ZNF804A: variants seen among roughly 807,000 people sequenced by gnomAD.
ZNF804A encodes the protein zinc finger protein 804A.
A neutral mutation model predicts 16.5 loss-of-function variants in ZNF804A; 2 were observed. The observed-to-expected ratio is 0.12, with a 90% CI of 0.05 to 0.38. The LOEUF (loss-of-function observed/expected upper bound fraction) is 0.38. Ranked by LOEUF, ZNF804A falls within the 10% of genes least tolerant of loss-of-function variation. ZNF804A has a pLI of 0.99. For missense variants in ZNF804A, 1,473 were observed against 1,390.7 expected (o/e 1.06, Z -0.94); for synonymous variants, 534 against 489.6 (o/e 1.09, Z -1.20).
chr2:184,856,326 A>G (rs1268316355), intron 1 of ZNF804A, among the ~76,000 whole-genome samples: 1 of 151,966 alleles, frequency 6.6e-6, no homozygotes, highest in African/African-American at 2.4e-5. Context: ...TCTTCCCTCA[A>G]CTGTTTCCAA....
At chr2:184,636,452 T>TGTGA (rs1232918891) in intron 1 of ZNF804A, among the ~76,000 whole-genome samples, 8 of 114,348 alleles carry the variant, frequency 7.0e-5, no homozygotes, top group East Asian at 2.7e-4. Flanking sequence ...TGTGTGTGTG[T>TGTGA]GAGAGAGAGA....
rs542644879 is a variant in ZNF804A at position 184,824,477 on chromosome 2, GA to G, written c.112-41882del. Among the ~76,000 whole-genome samples the G allele has an allele frequency of 7.0e-3, 1,015 of 145,034 alleles. 17 individuals carry two copies. Among genetic ancestry groups the G allele is most frequent in the African/African-American group, 0.023 (929 of 39,694 alleles). ...AAGCATATTCATGTCCTCGGTAAAA[GA>G]AAAAAAAAACAGAATGGACATTTTA... On this transcript the variant is annotated intron_variant, in intron 1 of 3. Transcript: ENST00000302277.
chr2:184,775,111 A>G (rs1293597438), intron 1 of ZNF804A, among the ~76,000 whole-genome samples: 4 of 151,784 alleles, frequency 2.6e-5, no homozygotes, highest in Non-Finnish European at 1.5e-5. Flanking sequence ...TGTAAGTAAT[A>G]ATGTAAATGT....
rs1272308549 is a variant in ZNF804A, at chr2:184,937,614, G to C, written c.2218G>C (p.Val740Leu). ...CTGTAGTCAGGATCACAGAAGCTTA[G>C]TTCTTCAAAATGATATGAAACACAT... ...SSCSQDHRSL[V>L]LQNDMKHMSQ... is the part of the protein sequence containing the mutation. Residue 740 changes from valine (V) to leucine (L), a missense_variant, in exon 4 of 4, where the codon GTT becomes CTT. By Grantham distance (32) the Val-to-Leu change is conservative. Transcript: ENST00000302277. The C allele has an allele frequency of 1.9e-6, 3 of 1,613,716 alleles. No homozygotes were observed. The highest frequency in any genetic ancestry group is 1.3e-5 in the African/African-American group (1 of 75,042).
chr2:184,736,322 T>C (rs1693612499), intron 1 of ZNF804A, among the ~76,000 whole-genome samples: 1 of 152,190 alleles, frequency 6.6e-6, no homozygotes, highest in Non-Finnish European at 1.5e-5. Flanking sequence ...CTCTTTGATA[T>C]TTAAATGACC....
At chr2:184,885,922 C>T (rs958375473) in intron 2 of ZNF804A, among the ~76,000 whole-genome samples, 1 of 152,108 alleles carries the variant, frequency 6.6e-6, no homozygotes. Flanking sequence ...TCATTCCAAC[C>T]GTGGCCTCTC....
At chr2:184,783,852 TG>T (rs1424599053) in intron 1 of ZNF804A, among the ~76,000 whole-genome samples, 1 of 152,024 alleles carries the variant, frequency 6.6e-6, no homozygotes, top group Non-Finnish European at 1.5e-5. Context: ...TATCCTTGTT[TG>T]TATTACAGAA....
intron 1 of ZNF804A, among the ~76,000 whole-genome samples, chr2:184,806,771 A>G (rs1694812568): frequency 6.6e-6 from 1 of 151,844 alleles, no homozygotes; most frequent in South Asian, 2.1e-4. Context: ...AAACCGTGCT[A>G]CAGTCTAACA....
chr2:184,741,538 AT>A (rs1323898126), intron 1 of ZNF804A, among the ~76,000 whole-genome samples: 3 of 152,156 alleles, frequency 2.0e-5, no homozygotes, highest in African/African-American at 7.2e-5. Flanking sequence ...AAATCGCAGA[AT>A]ATCTGGCATG....
intron 1 of ZNF804A, among the ~76,000 whole-genome samples, chr2:184,782,383 G>T (rs1001066600): frequency 1.3e-5 from 2 of 151,296 alleles, no homozygotes; most frequent in Admixed American, 6.6e-5. Flanking sequence ...CCTTAATCTG[G>T]GTGGGCACCA....
chr2:184,778,301 G>A (rs1409713483), intron 1 of ZNF804A, among the ~76,000 whole-genome samples: 2 of 151,448 alleles, frequency 1.3e-5, no homozygotes, highest in Non-Finnish European at 3.0e-5. Flanking sequence ...TGGATCCTGG[G>A]CATAGAAAAT....
intron 1 of ZNF804A, among the ~76,000 whole-genome samples, chr2:184,717,974 T>G (rs1693241764): frequency 6.6e-6 from 1 of 152,150 alleles, no homozygotes; most frequent in Non-Finnish European, 1.5e-5. Flanking sequence ...GCCAGGACAA[T>G]CAGGCAAGAG....
At chr2:184,738,279 TA>T (rs533844660) in intron 1 of ZNF804A, among the ~76,000 whole-genome samples, 1 of 150,590 alleles carries the variant, frequency 6.6e-6, no homozygotes, top group Non-Finnish European at 1.5e-5. Context: ...TGAGCACTGC[TA>T]AAAAAAAAGG....
At chr2:184,718,032 A>G (rs1693242447) in intron 1 of ZNF804A, among the ~76,000 whole-genome samples, 1 of 152,184 alleles carries the variant, frequency 6.6e-6, no homozygotes, top group Non-Finnish European at 1.5e-5. Context: ...GCTGCTGATA[A>G]AGATATACCT....
chr2:184,862,424 T>C (rs1695814695), intron 1 of ZNF804A, among the ~76,000 whole-genome samples: 1 of 152,156 alleles, frequency 6.6e-6, no homozygotes, highest in African/African-American at 2.4e-5. Context: ...GAACACAGCC[T>C]TGATTCCTTA....
At chr2:184,620,084 CTT>C (rs1559110036) in intron 1 of ZNF804A, among the ~76,000 whole-genome samples, 4 of 151,396 alleles carry the variant, frequency 2.6e-5, no homozygotes, top group East Asian at 1.9e-4. Flanking sequence ...ATGATAAACA[CTT>C]ATTTCACTGA....
In ZNF804A at chr2:184,750,117, T is replaced by C. The variant is rs1297048629; in HGVS notation, c.112-116252T>C. The stretch of plus-strand genomic sequence containing the variant: ...TTCTTTGTACTAATTTTTTATGATG[T>C]ATATTTACTTGTGTTGGTTAATTTT... On this transcript the variant is annotated intron_variant, in intron 1 of 3. Transcript: ENST00000302277. Among the ~76,000 whole-genome samples, 4 of 151,428 alleles carry C rather than the reference T, an allele frequency of 2.6e-5. No individual in the cohort carries two copies. In the South Asian group the frequency reaches 6.2e-4, roughly 23 times the overall value.
intron 1 of ZNF804A, among the ~76,000 whole-genome samples, chr2:184,840,603 C>A (rs1695421165): frequency 6.6e-6 from 1 of 151,848 alleles, no homozygotes; most frequent in East Asian, 1.9e-4. Flanking sequence ...TGGAAAGATT[C>A]TTTCTTTTAG....
At chr2:184,667,641 A>G (rs1326038932) in intron 1 of ZNF804A, among the ~76,000 whole-genome samples, 1 of 151,860 alleles carries the variant, frequency 6.6e-6, no homozygotes, top group African/African-American at 2.4e-5. Flanking sequence ...ATGCCATTAA[A>G]GAGTTAACAT....
Sources: allele counts gnomAD v4.1 joint callset (sites outside exome capture counted in the v4.1 genomes callset), GRCh38; gene constraint gnomAD v4.1.1; transcripts MANE v1.5; gene names NCBI Gene and HGNC (gene_info 2026-07-23, HGNC 2026-07-21).